Variants in LTBP4 observed in about 807,000 individuals in gnomAD.
LTBP4 encodes latent transforming growth factor beta binding protein 4, also known as latent-transforming growth factor beta-binding protein 4.
In LTBP4, 93 loss-of-function variants were observed where a neutral mutation model predicts 180.2. The ratio of observed to expected loss-of-function variants is 0.52; its 90% CI spans 0.44 to 0.61. The LOEUF is 0.61. Among genes scored for constraint, LTBP4 ranks in the 20% least tolerant of loss-of-function variants. The pLI is 0.00. For missense variants in LTBP4, 2,116 were observed against 2,256.5 expected (o/e 0.94, Z 1.26); for synonymous variants, 947 against 934.5 (o/e 1.01, Z -0.24).
rs562237303 is a variant in LTBP4, at chr19:40,629,450, G to A, written c.4574G>A (p.Arg1525His). 22 of 1,612,472 alleles carry A rather than the reference G, an allele frequency of 1.4e-5. No individual in the cohort carries two copies. In the African/African-American group the frequency reaches 2.4e-4, roughly 18 times the overall value. The change falls in exon 30 of 30, where the codon CGT becomes CAT. Residue 1525 changes from arginine to histidine, a missense_variant. Arg to His is a conservative substitution (Grantham distance 29, BLOSUM62 0). This residue lies in a region of LTBP4 where 488 missense variants were observed against 458.8 expected (regional missense o/e 1.06). Transcript: ENST00000396819. The surrounding 1 kb of genome is among the most constrained non-coding windows in gnomAD (Gnocchi z 4.5). The part of the protein sequence containing the change: ...EAASPLCVNA[R>H]CLNTDGSFRC... Reference sequence around the variant, plus strand: ...GCCTCCCCGCTGTGCGTCAACGCGCGTTGCCTCAACACGGATGGCTCCTTC... The same window carrying A: ...GCCTCCCCGCTGTGCGTCAACGCGCATTGCCTCAACACGGATGGCTCCTTC...
At chr19:40,595,683 G>A (rs542866863) in intron 1 of LTBP4, among the ~76,000 whole-genome samples, 1 of 152,138 alleles carries the variant, frequency 6.6e-6, no homozygotes, top group African/African-American at 2.4e-5. Context: ...GAGACTCTTA[G>A]GCAAGGAAGG....
intron 1 of LTBP4, among the ~76,000 whole-genome samples, chr19:40,594,741 G>T (rs919900250): frequency 1.3e-5 from 2 of 152,176 alleles, no homozygotes; most frequent in Admixed American, 6.5e-5. Context: ...CCCAGGGACT[G>T]TGTGTCCCTG....
chr19:40,607,375 G>C lies in LTBP4; in HGVS notation c.1002G>C (p.Val334=). 1 of 1,612,310 alleles carries C rather than the reference G, an allele frequency of 6.2e-7. No homozygotes were observed. The highest frequency in any genetic ancestry group is 1.1e-5 in the South Asian group (1 of 90,756). The change falls in exon 7 of 30, where the codon GTG becomes GTC. Residue 334 remains valine (V), a synonymous_variant. Transcript: ENST00000396819. ...SSRSSCISQH[V]ISEAKGPCFR... is the part of the protein sequence containing the mutation. ...CCCTGCTCCTCGCAGCCCAACACGTGATCTCAGAGGCCAAAGGGCCCTGCT... is the reference window on the plus strand; with the variant it reads ...CCCTGCTCCTCGCAGCCCAACACGTCATCTCAGAGGCCAAAGGGCCCTGCT...
Position 40,613,924 on chromosome 19 carries a change from G to T in LTBP4, c.2566G>T (p.Glu856Ter). The T allele has an allele frequency of 2.5e-6, 4 of 1,613,650 alleles. No individual in the cohort carries two copies. Among genetic ancestry groups the T allele is most frequent in the Non-Finnish European group, 3.4e-6 (4 of 1,179,798 alleles). Residue 856 changes from glutamate (E) to a stop codon, truncating the protein, a stop_gained, in exon 18 of 30, where the codon GAG becomes TAG. Transcript: ENST00000396819. LOFTEE classifies it high-confidence loss of function. The surrounding 1 kb of genome is among the most constrained non-coding windows in gnomAD (Gnocchi z 5.0). ...GACGCCCTGTCCCGCAGACGTTGAC[G>T]AGTGCAGCGAGGAGGACCTTTGCCA... ...PRGASCLDVD[E>*]CSEEDLCQSG...
chr19:40,613,734 T>A lies in LTBP4; in HGVS notation c.2558-182T>A. ...GGGCCGAGTCTGGGTATTTGGACCGTGATTGTAAAGAAGCTGTTCTAAACC... is the reference window on the plus strand; with the variant it reads ...GGGCCGAGTCTGGGTATTTGGACCGAGATTGTAAAGAAGCTGTTCTAAACC... On this transcript the variant is annotated intron_variant, in intron 17 of 29. Coordinates refer to ENST00000396819, the MANE Select transcript of LTBP4 (RefSeq NM_001042545.2). This position sits in a 1 kb window ranked among gnomAD's most constrained non-coding sequence, Gnocchi z 5.0. 1 of 1,214,946 alleles carries A rather than the reference T, an allele frequency of 8.2e-7. No individual in the cohort carries two copies. The highest frequency in any genetic ancestry group is 1.2e-6 in the Non-Finnish European group (1 of 859,688). 75.3% of individuals were successfully genotyped at this position (1,214,946 alleles called of 1,614,324 possible).
chr19:40,620,254 T>TTC (rs1266442334), intron 22 of LTBP4, among the ~76,000 whole-genome samples: 6 of 151,550 alleles, frequency 4.0e-5, no homozygotes, highest in Non-Finnish European at 5.9e-5. Flanking sequence ...AAATGTTTTT[T>TTC]TTTTAAGACA....
intron 21 of LTBP4, among the ~76,000 whole-genome samples, chr19:40,618,388 T>G (rs185573534): frequency 6.6e-6 from 1 of 152,160 alleles, no homozygotes; most frequent in Non-Finnish European, 1.5e-5. Flanking sequence ...GCCTCCCAAG[T>G]AGCTGAGATT....
At position 40,617,201 on chromosome 19, in the gene LTBP4, G is replaced by A. The variant is rs758433535; in HGVS notation, c.3046G>A (p.Ala1016Thr). 6.2e-7 allele frequency: 1 copy of A among 1,613,786 alleles called. No individual in the cohort carries two copies. Among genetic ancestry groups the A allele is most frequent in the Non-Finnish European group, 8.5e-7 (1 of 1,179,796 alleles). The change falls in exon 21 of 30, where the codon GCA becomes ACA. Residue 1016 changes from alanine to threonine, a missense_variant. By Grantham distance (58) the Ala-to-Thr change is moderately conservative. This residue lies in a region of LTBP4 where 278 missense variants were observed against 373.0 expected (regional missense o/e 0.75). Transcript: ENST00000396819. ...CCTCTGTGACCAGGGTTACGAGGGG[G>A]CACGGGATGGGCGTCACTGCGTGGG... ...QCLCDQGYEGARDGRHCVDVN... is the reference protein window; with the variant it reads ...QCLCDQGYEGTRDGRHCVDVN...
At chr19:40,601,861 G>A (rs1337694573) in intron 1 of LTBP4, among the ~76,000 whole-genome samples, 2 of 152,136 alleles carry the variant, frequency 1.3e-5, no homozygotes, top group Non-Finnish European at 2.9e-5. Flanking sequence ...AGAGGCCTGT[G>A]ATGTCCCACG....
chr19:40,593,331 C>A, intron 1 of LTBP4: 1 of 835,152 alleles, frequency 1.2e-6, no homozygotes, highest in South Asian at 1.6e-5. Context: ...CAGCCTCGGC[C>A]TTCTGGGCTC....
Position 40,613,829 on chromosome 19 carries a change from G to T in LTBP4, c.2558-87G>T. Reference sequence around the variant, plus strand: ...GTTGGGGAAGGCGTGAGAGGCCTAGGAGAGCCGAGGGGCGGTGGAGGGGTG... The same window carrying T: ...GTTGGGGAAGGCGTGAGAGGCCTAGTAGAGCCGAGGGGCGGTGGAGGGGTG... On this transcript the variant is annotated intron_variant, in intron 17 of 29. Transcript: ENST00000396819. This position sits in a 1 kb window ranked among gnomAD's most constrained non-coding sequence, Gnocchi z 5.0. 1 of 1,582,228 alleles carries T rather than the reference G, an allele frequency of 6.3e-7. No homozygotes were observed. The highest frequency in any genetic ancestry group is 8.6e-7 in the Non-Finnish European group (1 of 1,161,840).
chr19:40,601,672 C>T, intron 1 of LTBP4, 35 bp downstream of exon 1: 1 of 1,318,948 alleles, frequency 7.6e-7, no homozygotes, highest in Non-Finnish European at 9.7e-7. Context: ...GAGAGCGGCT[C>T]CGGGGGGGAG....
At position 40,605,406 on chromosome 19, in the gene LTBP4, C is replaced by A; in HGVS notation, c.444C>A (p.Gly148=). ...PLANHRDDEH[G]VASMVSVHVE... ...TTTGCCCGGCCGTGCCTCCCCTAGG[C>A]GTGGCATCTATGGTGAGCGTCCACG... The change falls in exon 3 of 30, where the codon GGC becomes GGA. Residue 148 remains glycine, a splice_region_variant and synonymous_variant. Transcript: ENST00000396819. This position sits in a 1 kb window ranked among gnomAD's most constrained non-coding sequence, Gnocchi z 5.5. The A allele has an allele frequency of 6.2e-7, 1 of 1,612,820 alleles. No homozygotes were observed. The highest frequency in any genetic ancestry group is 8.5e-7 in the Non-Finnish European group (1 of 1,179,796).
chr19:40,595,365 G>C (rs1351203345), intron 1 of LTBP4, among the ~76,000 whole-genome samples: 1 of 152,076 alleles, frequency 6.6e-6, no homozygotes, highest in East Asian at 1.9e-4. Flanking sequence ...AGGGGTTCCA[G>C]GCTCACCATC....
chr19:40,628,382 A>G (rs1599881443), intron 29 of LTBP4, among the ~76,000 whole-genome samples: 1 of 152,090 alleles, frequency 6.6e-6, no homozygotes, highest in East Asian at 1.9e-4. Context: ...CTAAAAATAC[A>G]AAATTAGCCG....
In LTBP4 at chr19:40,606,494, T is replaced by C; in HGVS notation, c.959T>C (p.Phe320Ser). The C allele has an allele frequency of 6.3e-7, 1 of 1,575,310 alleles. No homozygotes were observed. The highest frequency in any genetic ancestry group is 8.6e-7 in the Non-Finnish European group (1 of 1,161,634). Residue 320 changes from phenylalanine to serine, a missense_variant, in exon 6 of 30, where the codon TTT (phenylalanine) becomes TCT (serine). By Grantham distance (155) the Phe-to-Ser change is radical. Coordinates refer to ENST00000396819, the MANE Select transcript of LTBP4 (RefSeq NM_001042545.2). ...TACACGTGTGTGTGCCCCGACGGCTTTCTGCTCGACTCGTCCCGCAGCAGC... is the reference window on the plus strand; with the variant it reads ...TACACGTGTGTGTGCCCCGACGGCTCTCTGCTCGACTCGTCCCGCAGCAGC... ...GGYTCVCPDG[F>S]LLDSSRSSCI...
chr19:40,601,079 G>A (rs2081419617), upstream of LTBP4, among the ~76,000 whole-genome samples: 1 of 152,058 alleles, frequency 6.6e-6, no homozygotes, highest in Non-Finnish European at 1.5e-5. Flanking sequence ...CTCTGTCTGG[G>A]GGGAAACCCG....
In LTBP4 at chr19:40,614,016, C is replaced by A; in HGVS notation, c.2658C>A (p.Gly886=). The A allele has an allele frequency of 1.2e-6, 2 of 1,613,240 alleles. No individual in the cohort carries two copies. Among genetic ancestry groups the A allele is most frequent in the Non-Finnish European group, 1.7e-6 (2 of 1,179,772 alleles). The change falls in exon 18 of 30, where the codon GGC becomes GGA. Residue 886 remains glycine (G), a synonymous_variant. Transcript: ENST00000396819. The stretch of plus-strand genomic sequence containing the variant: ...TCTGTCCTCCGGGACACCGCGCTGG[C>A]CCGGACCTCGCCTCCTGCCTCGGTG... ...ECICPPGHRA[G]PDLASCLDVD...
rs778346470 is a variant in LTBP4, at chr19:40,606,535, C to G, written c.991+9C>G. The G allele has an allele frequency of 1.3e-6, 2 of 1,560,498 alleles. No homozygotes were observed. Among genetic ancestry groups the G allele is most frequent in the South Asian group, 2.4e-5 (2 of 84,722 alleles). ...CCGCAGCAGCTGCATCTGTGAGCAA[C>G]CAGCAGGGAGCTGAGGCTGGGTCCC... On this transcript the variant is annotated intron_variant, in intron 6 of 29. Transcript: ENST00000396819.
Sources: gnomAD v4.1 joint callset for allele counts (sites outside exome capture counted in the v4.1 genomes callset) on GRCh38, gnomAD v4.1.1 for gene constraint, gnomAD v4.1.1 regional missense constraint, Gnocchi (gnomAD v3.1) non-coding constraint, MANE v1.5 for transcripts, NCBI Gene and HGNC (gene_info 2026-07-23, HGNC 2026-07-21) for gene names.